Variants in SEPTIN12 observed in about 807,000 individuals in gnomAD.
SEPTIN12 encodes septin-12.
In SEPTIN12, 42 loss-of-function variants were observed where a neutral mutation model predicts 37.7. The observed-to-expected ratio is 1.11, with a 90% CI of 0.87 to 1.44. The LOEUF is 1.44. Among genes scored for constraint, SEPTIN12 ranks in the 40% most tolerant of loss-of-function variants. The probability of loss-of-function intolerance (pLI) is 0.00; values close to 1 mark genes in which losing one functional copy is unlikely to be tolerated. For synonymous variants in SEPTIN12, 254 were observed against 196.7 expected (o/e 1.29, Z -2.44); for missense variants, 613 against 479.2 (o/e 1.28, Z -2.61).
chr16:4,787,932 G>A lies in SEPTIN12; in HGVS notation c.-22-265C>T, dbSNP rs113504569. 5.7e-4 allele frequency: 199 copies of A among 351,986 alleles called. 2 individuals are homozygous for A. Among genetic ancestry groups the A allele is most frequent in the African/African-American group, 4.0e-3 (194 of 47,992 alleles). 21.8% of individuals were successfully genotyped at this position (351,986 alleles called of 1,614,324 possible). On this transcript the variant is annotated intron_variant, in intron 1 of 9. Coordinates refer to ENST00000268231, the MANE Select transcript of SEPTIN12 (RefSeq NM_144605.5). ...CTGTCCCCACCTACAGCCCAGGCAG[G>A]GGCCTCTCAGGTCGCTTCCCCCAGC...
intron 4 of SEPTIN12, 94 bp downstream of exon 4, chr16:4,785,713 G>C (rs1268759193): frequency 1.1e-6 from 1 of 872,090 alleles, no homozygotes; most frequent in East Asian, 2.5e-5. Flanking sequence ...GGGAGGTGGA[G>C]GTTGCAGTGA....
rs2082430287 is a variant in SEPTIN12 at position 4,785,747 on chromosome 16, C to T, written c.374+60G>A. ...GAGCCGAGATCATGCCATTGCACTC[C>T]AGCCTGGGTGACAAGAGTGAAACTC... On this transcript the variant is annotated intron_variant, in intron 4 of 9. Coordinates refer to ENST00000268231, the MANE Select transcript of SEPTIN12 (RefSeq NM_144605.5). The T allele has an allele frequency of 1.2e-5, 16 of 1,282,352 alleles. No homozygotes were observed. In the East Asian group the frequency reaches 3.7e-4, roughly 30 times the overall value. 79.4% of individuals were successfully genotyped at this position (1,282,352 alleles called of 1,614,324 possible).
rs1014034204 is a variant in SEPTIN12 at position 4,783,229 on chromosome 16, G to A, written c.726+233C>T. ...CGGCCCAATGTTCTCTATATATTCA[G>A]GATACAAGCCCCTTATTGGGTATGT... On this transcript the variant is annotated intron_variant, in intron 7 of 9. Transcript: ENST00000268231. 5.4e-6 allele frequency: 3 copies of A among 555,674 alleles called. No homozygotes were observed. In the African/African-American group the frequency reaches 5.7e-5, roughly 11 times the overall value. 34.4% of individuals were successfully genotyped at this position (555,674 alleles called of 1,614,324 possible).
intron 4 of SEPTIN12, 118 bp downstream of exon 4, chr16:4,785,689 A>T (rs1230092862): frequency 5.6e-6 from 4 of 717,090 alleles, no homozygotes; most frequent in Non-Finnish European, 9.6e-6. Context: ...GAGGCAGGAG[A>T]ATCACTTGAA....
Position 4,785,828 on chromosome 16 carries a change from T to A in SEPTIN12, c.353A>T (p.Asp118Val). The A allele has an allele frequency of 6.2e-7, 1 of 1,608,722 alleles. No individual in the cohort carries two copies. Among genetic ancestry groups the A allele is most frequent in the Non-Finnish European group, 8.5e-7 (1 of 1,178,172 alleles). ...LTVTDTPGFGDQINNDNCWDP... is the reference protein window; with the variant it reads ...LTVTDTPGFGVQINNDNCWDP... ...CTACCAGTTGTCATTGTTGATCTGGTCCCCGAAGCCGGGCGTGTCCGTCAC... is the reference window on the plus strand; with the variant it reads ...CTACCAGTTGTCATTGTTGATCTGGACCCCGAAGCCGGGCGTGTCCGTCAC... Residue 118 changes from aspartate to valine, a missense_variant, in exon 4 of 10, where the codon GAC becomes GTC. Transcript: ENST00000268231.
At position 4,777,753 on chromosome 16, in the gene SEPTIN12, G is replaced by T. The variant is rs373273100; in HGVS notation, c.*44C>A. On this transcript the variant is annotated 3_prime_UTR_variant, in exon 10 of 10. Transcript: ENST00000268231. ...GGTACATAGGTGTGTGTTGAGAGCC[G>T]CTGGGGACTCAGGAAGCCCAGCAGC... The T allele has an allele frequency of 8.6e-5, 117 of 1,359,742 alleles. No individual in the cohort carries two copies. The highest frequency in any genetic ancestry group is 1.0e-4 in the Non-Finnish European group (105 of 1,008,436). The allele number at this position is 1,359,742 out of a possible 1,614,324, so 84.2% of individuals were successfully genotyped here.
At chr16:4,780,433 CTA>C (rs1567559255) in intron 7 of SEPTIN12, among the ~76,000 whole-genome samples, 1 of 152,072 alleles carries the variant, frequency 6.6e-6, no homozygotes, top group Non-Finnish European at 1.5e-5. Flanking sequence ...ATAGTTGAGC[CTA>C]TGAGTCATTT....
At chr16:4,785,378 C>G (rs2082425628) in intron 4 of SEPTIN12, among the ~76,000 whole-genome samples, 1 of 151,194 alleles carries the variant, frequency 6.6e-6, no homozygotes, top group African/African-American at 2.4e-5. Flanking sequence ...AAAAAAAGAT[C>G]ACACAGCCTG....
At position 4,777,737 on chromosome 16, in the gene SEPTIN12, G is replaced by A; in HGVS notation, c.*60C>T. 7 of 1,155,628 alleles carry A rather than the reference G, an allele frequency of 6.1e-6. No homozygotes were observed. The highest frequency in any genetic ancestry group is 8.5e-6 in the Non-Finnish European group (7 of 827,112). The allele number at this position is 1,155,628 out of a possible 1,614,324, so 71.6% of individuals were successfully genotyped here. A position where few individuals can be genotyped will look rare whatever the true frequency, so the allele number is the denominator to read the frequency against. On this transcript the variant is annotated 3_prime_UTR_variant, in exon 10 of 10. Coordinates refer to ENST00000268231, the MANE Select transcript of SEPTIN12 (RefSeq NM_144605.5). ...ATTTAATAGATGCTCTGGTACATAGGTGTGTGTTGAGAGCCGCTGGGGACT... is the reference window on the plus strand; with the variant it reads ...ATTTAATAGATGCTCTGGTACATAGATGTGTGTTGAGAGCCGCTGGGGACT...
chr16:4,782,596 C>T (rs1306271517), intron 7 of SEPTIN12, among the ~76,000 whole-genome samples: 1 of 152,002 alleles, frequency 6.6e-6, no homozygotes, highest in African/African-American at 2.4e-5. Context: ...AGTTCCTCCA[C>T]ATCTTCCACA....
At chr16:4,782,579 G>C (rs965649112) in intron 7 of SEPTIN12, among the ~76,000 whole-genome samples, 2 of 152,044 alleles carry the variant, frequency 1.3e-5, no homozygotes, top group Non-Finnish European at 2.9e-5. Context: ...CAGTAGGTGA[G>C]GGTTTCAGTT....
At chr16:4,789,045 G>A (rs972300901), upstream of SEPTIN12, among the ~76,000 whole-genome samples, 2 of 152,182 alleles carry the variant, frequency 1.3e-5, no homozygotes, top group African/African-American at 4.8e-5. Flanking sequence ...TTTTGAGACA[G>A]CCTCGCTCTG....
At chr16:4,779,302 G>T (rs536053306) in intron 8 of SEPTIN12, among the ~76,000 whole-genome samples, 40 of 152,226 alleles carry the variant, frequency 2.6e-4, no homozygotes, top group Non-Finnish European at 2.9e-5. Context: ...GCTCTATGGG[G>T]ACAGGGACCC....
At chr16:4,779,574 C>G (rs143516608) in intron 8 of SEPTIN12, 116 bp downstream of exon 8, 48 of 742,860 alleles carry the variant, frequency 6.5e-5, no homozygotes, top group East Asian at 6.1e-4. Context: ...CCCCAGGGCT[C>G]TTTGTCTAGT....
intron 7 of SEPTIN12, among the ~76,000 whole-genome samples, chr16:4,782,344 C>A (rs944945239): frequency 2.0e-5 from 3 of 152,186 alleles, no homozygotes; most frequent in Admixed American, 6.5e-5. Context: ...TTTCCCCACT[C>A]ATCTGTTGAT....
At chr16:4,790,822 A>ATT (rs563128115), upstream of SEPTIN12, among the ~76,000 whole-genome samples, 89 of 149,908 alleles carry the variant, frequency 5.9e-4, no homozygotes, top group Admixed American at 1.3e-3. Flanking sequence ...AAGTAAGTAA[A>ATT]TAAATAAAGG....
intron 7 of SEPTIN12, 54 bp from the exon 8 acceptor site, chr16:4,779,840 G>C (rs1262455144): frequency 7.8e-7 from 1 of 1,284,716 alleles, no homozygotes; most frequent in Admixed American, 1.7e-5. Context: ...GGGGAGAAGA[G>C]AAGAAAAGTC....
Position 4,786,096 on chromosome 16 carries a change from C to A in SEPTIN12, c.176G>T (p.Gly59Val). 1.2e-6 allele frequency: 2 copies of A among 1,606,258 alleles called. No individual in the cohort carries two copies. Among genetic ancestry groups the A allele is most frequent in the African/African-American group, 1.3e-5 (1 of 74,876 alleles). Residue 59 changes from glycine to valine, a missense_variant, in exon 3 of 10, where the codon GGG becomes GTG. Gly to Val is a moderately radical substitution (Grantham distance 109). Transcript: ENST00000268231. The part of the protein sequence containing the change: ...EFNIMVVGQS[G>V]LGKSTMVNTL... ...GTTCACCATCGTGGACTTGCCCAGC[C>A]CGCTTTGCCCTGGGAGTGGCAACCG...
chr16:4,778,855 C>T (rs965918620), intron 8 of SEPTIN12, among the ~76,000 whole-genome samples: 88 of 142,314 alleles, frequency 6.2e-4, no homozygotes, highest in African/African-American at 2.2e-3. Context: ...TAATACATCA[C>T]CTGACCGGGC....
Sources: allele counts gnomAD v4.1 joint callset (sites outside exome capture counted in the v4.1 genomes callset), GRCh38; gene constraint gnomAD v4.1.1; transcripts MANE v1.5; gene names NCBI Gene and HGNC (gene_info 2026-07-23, HGNC 2026-07-21).